The following BRF1 variants were observed in gnomAD, a reference collection of about 807,000 sequenced individuals.
BRF1 encodes BRF1 general transcription factor IIIB subunit, also known as transcription factor IIIB 90 kDa subunit.
Under a neutral mutation model 81.7 loss-of-function variants are expected in BRF1, and 59 were observed. The observed-to-expected ratio is 0.72, with a 90% CI of 0.59 to 0.90. BRF1 has a LOEUF of 0.90. Among genes scored for constraint, BRF1 ranks in the 40% least tolerant of loss-of-function variants. BRF1 has a pLI of 0.00. For synonymous variants in BRF1, 491 were observed against 395.6 expected, an observed-to-expected ratio of 1.24 and a Z score of -2.86; for missense variants, 1,050 against 936.3, an observed-to-expected ratio of 1.12 and a Z score of -1.58.
intron 1 of BRF1, among the ~76,000 whole-genome samples, chr14:105,310,533 C>CAAAAA (rs764203821): frequency 3.9e-4 from 31 of 79,150 alleles, no homozygotes; most frequent in Non-Finnish European, 5.3e-4. Context: ...GACTCTGTCT[C>CAAAAA]AAAAAAAAAA....
In BRF1 at chr14:105,215,830, C is replaced by T. The variant is rs587728916; in HGVS notation, c.1772+1714G>A. 2.0e-5 allele frequency among the ~76,000 whole-genome samples: 3 copies of T among 150,888 alleles called. No homozygotes were observed. The East Asian group carries it at 5.9e-4, about 30-fold the overall frequency. Reference sequence around the variant, plus strand: ...ATACACAGGCACACACACATGCACACACACTGCATACACAGACACAGGCAC... The same window carrying T: ...ATACACAGGCACACACACATGCACATACACTGCATACACAGACACAGGCAC... On this transcript the variant is annotated intron_variant, in intron 15 of 17. Transcript: ENST00000547530.
At position 105,292,218 on chromosome 14, in the gene BRF1, C is replaced by T. The variant is rs587642180; in HGVS notation, c.185-5842G>A. On this transcript the variant is annotated intron_variant, in intron 1 of 17. Coordinates refer to ENST00000547530, the MANE Select transcript of BRF1 (RefSeq NM_001519.4). ...TTGAAGACAAGACAGAGTTTCGCTC[C>T]TGTCGCCCAGGCTGGAGTGTAATGG... Among the ~76,000 whole-genome samples the T allele has an allele frequency of 3.9e-5, 6 of 152,152 alleles. No individual in the cohort carries two copies. The South Asian group carries it at 8.3e-4, about 21-fold the overall frequency.
rs587647790 is a variant in BRF1 at position 105,300,651 on chromosome 14, G to T, written c.-22C>A. ...TCATGCCGGCGACCGCGCGGGCAGC[G>T]CCCGGAGCCTCCCAAGACTCTCAAG... is the stretch of plus-strand genomic sequence containing the variant. On this transcript the variant is annotated 5_prime_UTR_variant, in exon 1 of 18. Transcript: ENST00000547530. 1 of 1,345,512 alleles carries T rather than the reference G, an allele frequency of 7.4e-7. No homozygotes were observed. Among genetic ancestry groups the T allele is most frequent in the South Asian group, 2.0e-5 (1 of 51,080 alleles). The allele number at this position is 1,345,512 out of a possible 1,614,324, so 83.3% of individuals were successfully genotyped here.
chr14:105,220,245 C>T (rs1193845798), intron 11 of BRF1, 115 bp from the exon 12 acceptor site: 13 of 1,156,658 alleles, frequency 1.1e-5, no homozygotes, highest in African/African-American at 3.1e-5. Flanking sequence ...TCTAGAACCC[C>T]GTCCCCTCCT....
At chr14:105,265,296 C>G (rs59713277) in intron 3 of BRF1, among the ~76,000 whole-genome samples, 3 of 152,112 alleles carry the variant, frequency 2.0e-5, no homozygotes, top group Non-Finnish European at 4.4e-5. Flanking sequence ...CCACCCACCT[C>G]AGCCTCCCAA....
Position 105,209,937 on chromosome 14 carries a change from G to A in BRF1, c.*614C>T. On this transcript the variant is annotated 3_prime_UTR_variant, in exon 18 of 18. Coordinates refer to ENST00000547530, the MANE Select transcript of BRF1 (RefSeq NM_001519.4). ...GGGGGGTCTGGAGGAGGCAGGGGTG[G>A]GGGTGTCTGCCTCGGACGAGGCAGG... 1 of 363,378 alleles carries A rather than the reference G, an allele frequency of 2.8e-6. No homozygotes were observed. The highest frequency in any genetic ancestry group is 4.9e-6 in the Non-Finnish European group (1 of 203,108). The allele number at this position is 363,378 out of a possible 1,614,324, so 22.5% of individuals were successfully genotyped here. A position where few individuals can be genotyped will look rare whatever the true frequency, so the allele number is the denominator to read the frequency against.
chr14:105,256,991 A>G (rs2055910306), intron 3 of BRF1, among the ~76,000 whole-genome samples: 1 of 152,092 alleles, frequency 6.6e-6, no homozygotes, highest in African/African-American at 2.4e-5. Context: ...CTGAGCACCT[A>G]TCAGGCGTCA....
chr14:105,256,106 C>T, intron 4 of BRF1: 1 of 1,207,158 alleles, frequency 8.3e-7, no homozygotes, highest in Non-Finnish European at 1.1e-6. Context: ...GCCTGGGTGA[C>T]AGAGCGAGAC....
chr14:105,213,177 T>C (rs1290490298), intron 15 of BRF1: 1 of 152,302 alleles, frequency 6.6e-6, no homozygotes, highest in Admixed American at 6.5e-5. Context: ...CCTCTGGGGA[T>C]GGCAGCTGGC....
chr14:105,271,174 A>AT lies in BRF1; in HGVS notation c.439+1546dup, dbSNP rs587622774. Reference sequence around the variant, plus strand: ...ATAGCCACGTGCAAAAAAGGATGAGATAACACATGGGTTCAGTGTGGCAGG... The same window carrying AT: ...ATAGCCACGTGCAAAAAAGGATGAGATTAACACATGGGTTCAGTGTGGCAGG... On this transcript the variant is annotated intron_variant, in intron 3 of 17. Transcript: ENST00000547530. This position sits in a 1 kb window ranked among gnomAD's most constrained non-coding sequence, Gnocchi z 5.5. Among the ~76,000 whole-genome samples, 74 of 152,360 alleles carry AT rather than the reference A, an allele frequency of 4.9e-4. No homozygotes were observed. The highest frequency in any genetic ancestry group is 1.6e-3 in the African/African-American group (65 of 41,600).
intron 2 of BRF1, among the ~76,000 whole-genome samples, chr14:105,278,877 T>C (rs916160059): frequency 7.2e-5 from 11 of 152,268 alleles, no homozygotes; most frequent in Non-Finnish European, 7.4e-5. Flanking sequence ...ACCCCGTCTC[T>C]ACTAAAAAGT....
chr14:105,253,762 C>T (rs866224434), intron 4 of BRF1, among the ~76,000 whole-genome samples: 6 of 152,208 alleles, frequency 3.9e-5, no homozygotes, highest in Non-Finnish European at 7.3e-5. Context: ...CCATTATATC[C>T]GAGGGCTCCA....
chr14:105,297,403 C>A (rs1339527355), intron 1 of BRF1, among the ~76,000 whole-genome samples: 4 of 151,430 alleles, frequency 2.6e-5, no homozygotes, highest in Non-Finnish European at 4.4e-5. Context: ...CCCGTCTCTA[C>A]TAAAAAATAT....
At chr14:105,249,965 G>T in intron 5 of BRF1, 1 of 1,612,332 alleles carries the variant, frequency 6.2e-7, no homozygotes, top group Non-Finnish European at 8.5e-7. Flanking sequence ...GGTCTTCGAG[G>T]CCGTCCTGAA....
chr14:105,227,015 G>A (rs1893215463), intron 7 of BRF1: 2 of 439,580 alleles, frequency 4.5e-6, no homozygotes, highest in Non-Finnish European at 8.1e-6. Context: ...TTGGGAGGCT[G>A]AGGTCAGGGA....
intron 6 of BRF1, among the ~76,000 whole-genome samples, chr14:105,229,727 T>G (rs1283948338): frequency 3.8e-5 from 2 of 52,640 alleles, no homozygotes; most frequent in African/African-American, 7.9e-5. Context: ...ACTGTCCGCG[T>G]AGTCGCCCAG....
intron 3 of BRF1, among the ~76,000 whole-genome samples, chr14:105,265,806 C>T (rs751391216): frequency 5.4e-5 from 8 of 149,274 alleles, no homozygotes; most frequent in African/African-American, 7.4e-5. Context: ...GAAGCTGAGG[C>T]GGGAGAATGG....
At chr14:105,290,963 C>A (rs761443316) in intron 1 of BRF1, among the ~76,000 whole-genome samples, 5 of 152,076 alleles carry the variant, frequency 3.3e-5, no homozygotes, top group Admixed American at 2.0e-4. Flanking sequence ...GAACACTAAC[C>A]CACAGGGAGG....
At chr14:105,275,718 T>G (rs939893183) in intron 2 of BRF1, among the ~76,000 whole-genome samples, 1 of 152,266 alleles carries the variant, frequency 6.6e-6, no homozygotes, top group Non-Finnish European at 1.5e-5. Context: ...CATGCAGGGC[T>G]GCTATGGTCA....
Sources: allele counts gnomAD v4.1 joint callset (sites outside exome capture counted in the v4.1 genomes callset), GRCh38; gene constraint gnomAD v4.1.1; non-coding constraint Gnocchi (gnomAD v3.1); transcripts MANE v1.5; gene names NCBI Gene and HGNC (gene_info 2026-07-23, HGNC 2026-07-21).